Variants in MAP2K1 observed in about 807,000 individuals in gnomAD.
The protein encoded by MAP2K1 is mitogen-activated protein kinase kinase 1.
Under a neutral mutation model 46.3 loss-of-function variants are expected in MAP2K1, and 16 were observed. The observed-to-expected ratio is 0.35, with a 90% CI of 0.23 to 0.52. The LOEUF (loss-of-function observed/expected upper bound fraction) is 0.52. MAP2K1 is among the 20% of genes least tolerant of loss of function. The probability of loss-of-function intolerance (pLI) is 0.94; values close to 1 mark genes in which losing one functional copy is unlikely to be tolerated. For synonymous variants in MAP2K1, 183 were observed against 185.6 expected, an observed-to-expected ratio of 0.99 and a Z score of 0.11; for missense variants, 263 against 497.1, an observed-to-expected ratio of 0.53 and a Z score of 4.48.
intron 5 of MAP2K1, among the ~76,000 whole-genome samples, chr15:66,476,109 T>C (rs564655847): frequency 6.6e-6 from 1 of 152,324 alleles, no homozygotes; most frequent in African/African-American, 2.4e-5. Context: ...GGGTTACCCA[T>C]ACTCATTGTC....
intron 5 of MAP2K1, among the ~76,000 whole-genome samples, chr15:66,463,145 G>A (rs1043825065): frequency 3.3e-5 from 5 of 152,124 alleles, no homozygotes; most frequent in Admixed American, 6.5e-5. Context: ...GGGCTCCTTC[G>A]GGTGAGTGAA....
intron 1 of MAP2K1, among the ~76,000 whole-genome samples, chr15:66,403,128 TGGAA>T (rs1194042787): frequency 3.3e-5 from 5 of 152,278 alleles, no homozygotes; most frequent in Admixed American, 3.3e-4. Context: ...ACTGCTGCAG[TGGAA>T]GGAGGTGGTT....
chr15:66,418,913 T>G (rs1026432239), intron 1 of MAP2K1, among the ~76,000 whole-genome samples: 5 of 149,632 alleles, frequency 3.3e-5, no homozygotes, highest in Admixed American at 2.7e-4. Context: ...CTCAAAGTGC[T>G]GGGATTAGAG....
chr15:66,487,158 C>T (rs1178878544), intron 7 of MAP2K1, 70 bp from the exon 8 acceptor site: 3 of 1,337,264 alleles, frequency 2.2e-6, no homozygotes, highest in East Asian at 2.3e-5. Context: ...GATCCATGCC[C>T]AACCCCTTGC....
chr15:66,387,896 C>T (rs1451051077), intron 1 of MAP2K1, among the ~76,000 whole-genome samples: 1 of 152,154 alleles, frequency 6.6e-6, no homozygotes, highest in Non-Finnish European at 1.5e-5. Flanking sequence ...ACCTGTGGGG[C>T]CTGAGTGCCT....
chr15:66,426,179 C>T (rs573722374), intron 1 of MAP2K1, among the ~76,000 whole-genome samples: 6 of 145,846 alleles, frequency 4.1e-5, no homozygotes, highest in East Asian at 3.9e-4. Flanking sequence ...AAGTTTATTA[C>T]GAAAGCAAAG....
chr15:66,447,672 C>T (rs1403109534), intron 5 of MAP2K1, among the ~76,000 whole-genome samples: 1 of 125,718 alleles, frequency 8.0e-6, no homozygotes, highest in Admixed American at 9.1e-5. Flanking sequence ...GCCTGGGCGA[C>T]AGAGACTCTG....
intron 5 of MAP2K1, among the ~76,000 whole-genome samples, chr15:66,446,951 G>C (rs1342995917): frequency 6.6e-6 from 1 of 152,150 alleles, no homozygotes; most frequent in Admixed American, 6.6e-5. Flanking sequence ...TTATACCTCA[G>C]TATAGTTGCT....
At chr15:66,485,339 A>G (rs1051855523) in intron 7 of MAP2K1, 148 bp downstream of exon 7, 1 of 745,118 alleles carries the variant, frequency 1.3e-6, no homozygotes, top group Non-Finnish European at 2.2e-6. Context: ...GGAAGCAGCA[A>G]GGGTCTCCAG....
At chr15:66,442,454 G>C (rs992940178) in intron 3 of MAP2K1, among the ~76,000 whole-genome samples, 1 of 152,050 alleles carries the variant, frequency 6.6e-6, no homozygotes, top group Non-Finnish European at 1.5e-5. Context: ...TTCATCCTTT[G>C]AGTAATATTC....
chr15:66,484,921 G>C (rs1276225280), intron 6 of MAP2K1, 69 bp from the exon 7 acceptor site: 1 of 1,284,734 alleles, frequency 7.8e-7, no homozygotes, highest in Admixed American at 1.7e-5. Context: ...GGACAGAAGA[G>C]AAAATGCATT....
intron 1 of MAP2K1, chr15:66,415,225 C>T: frequency 2.2e-6 from 1 of 448,558 alleles, no homozygotes; most frequent in Non-Finnish European, 4.3e-6. Flanking sequence ...TCCACTGTCC[C>T]TGTGTCATCT....
intron 1 of MAP2K1, among the ~76,000 whole-genome samples, chr15:66,394,673 A>G (rs2093363632): frequency 6.6e-6 from 1 of 151,538 alleles, no homozygotes; most frequent in South Asian, 2.1e-4. Context: ...CTGGGCTCAA[A>G]CTCCTTGCCT....
intron 10 of MAP2K1, chr15:66,490,213 CT>C (rs1893202629): frequency 1.8e-6 from 1 of 564,472 alleles, no homozygotes; most frequent in Non-Finnish European, 3.2e-6. Context: ...CCATCATTTT[CT>C]TTGTCCCTTC....
At chr15:66,419,787 T>A (rs768638409) in intron 1 of MAP2K1, among the ~76,000 whole-genome samples, 8 of 135,622 alleles carry the variant, frequency 5.9e-5, no homozygotes, top group Admixed American at 2.2e-4. Context: ...CAGAAGACTG[T>A]TTGATTCCCA....
At chr15:66,469,495 T>TTTTTTTTTTTG in intron 5 of MAP2K1, among the ~76,000 whole-genome samples, 1 of 145,758 alleles carries the variant, frequency 6.9e-6, no homozygotes, top group African/African-American at 2.6e-5. Flanking sequence ...TTTTTTTTTT[T>TTTTTTTTTTTG]TTTTGTTGAG....
chr15:66,388,181 C>G lies in MAP2K1; in HGVS notation c.80+754C>G, dbSNP rs116785258. Among the ~76,000 whole-genome samples, 840 of 152,294 alleles carry G rather than the reference C, an allele frequency of 5.5e-3. 13 individuals carry two copies. The highest frequency in any genetic ancestry group is 0.02 in the African/African-American group (811 of 41,552). ...ACCTAGAAACCACATGCTAGGTGCT[C>G]CATCTCTGCAGCTTCCAGCGTTGCT... On this transcript the variant is annotated intron_variant, in intron 1 of 10. Coordinates refer to ENST00000307102, the MANE Select transcript of MAP2K1 (RefSeq NM_002755.4).
intron 1 of MAP2K1, among the ~76,000 whole-genome samples, chr15:66,418,306 C>T (rs1302530611): frequency 1.3e-5 from 2 of 152,098 alleles, no homozygotes; most frequent in Admixed American, 6.6e-5. Context: ...ATTTTCCTGC[C>T]TCAGTTCTGA....
chr15:66,427,385 C>G (rs1595856816), intron 1 of MAP2K1, among the ~76,000 whole-genome samples: 1 of 151,922 alleles, frequency 6.6e-6, no homozygotes, highest in East Asian at 1.9e-4. Context: ...CAGTGAAACC[C>G]CGTCTTTACT....
Sources: allele counts gnomAD v4.1 joint callset (sites outside exome capture counted in the v4.1 genomes callset), GRCh38; gene constraint gnomAD v4.1.1; transcripts MANE v1.5; gene names NCBI Gene and HGNC (gene_info 2026-07-23, HGNC 2026-07-21).